NIN: variants seen among roughly 807,000 people sequenced by gnomAD.
NIN encodes the protein ninein.
In NIN, 137 loss-of-function variants were observed where a neutral mutation model predicts 257.6. The ratio of observed to expected loss-of-function variants is 0.53; its 90% CI spans 0.46 to 0.61. NIN has a LOEUF of 0.61. Ranked by LOEUF, NIN falls within the 20% of genes least tolerant of loss-of-function variation. The pLI is 0.00. For missense variants in NIN, 2,439 were observed against 2,501.2 expected (o/e 0.98, Z 0.53); for synonymous variants, 918 against 919.8 (o/e 1.00, Z 0.04).
At chr14:50,744,450 AGCT>A (rs2041444801) in intron 22 of NIN, 85 bp from the exon 23 acceptor site, 1 of 1,407,144 alleles carries the variant, frequency 7.1e-7, no homozygotes, top group Admixed American at 2.0e-5. Context: ...GCATTTTCAC[AGCT>A]GCTGCTATTT....
chr14:50,765,055 T>C (rs2042419380), intron 14 of NIN, among the ~76,000 whole-genome samples: 1 of 130,480 alleles, frequency 7.7e-6, no homozygotes, highest in African/African-American at 3.0e-5. Flanking sequence ...TGAAACCCTG[T>C]CTCTACTTAA....
At chr14:50,741,827 G>A (rs2140501139) in intron 24 of NIN, 99 bp from the exon 25 acceptor site, 3 of 1,363,162 alleles carry the variant, frequency 2.2e-6, no homozygotes, top group South Asian at 2.9e-5. Flanking sequence ...TTTCAAGTCT[G>A]TTTGTTTCTC....
chr14:50,737,041 C>T (rs1337595198), intron 27 of NIN, among the ~76,000 whole-genome samples: 9 of 152,268 alleles, frequency 5.9e-5, no homozygotes, highest in African/African-American at 1.7e-4. Context: ...GCCCCACCTC[C>T]GGGTATTCAC....
In NIN at chr14:50,721,596, C is replaced by G. The variant is rs891302170; in HGVS notation, c.*1867G>C. The G allele has an allele frequency of 4.6e-6, 1 of 217,430 alleles. No homozygotes were observed. Among genetic ancestry groups the G allele is most frequent in the Non-Finnish European group, 9.3e-6 (1 of 107,814 alleles). The allele number at this position is 217,430 out of a possible 1,614,324, so 13.5% of individuals were successfully genotyped here. ...TGAAAGCTAATGCCATACAAGTAGT[C>G]AAACACTTACTAGAAATGTCTGCAC... On this transcript the variant is annotated 3_prime_UTR_variant, in exon 31 of 31. Transcript: ENST00000530997.
At chr14:50,822,190 G>A (rs891255621) in intron 2 of NIN, 113 bp from the exon 3 acceptor site, 8 of 749,684 alleles carry the variant, frequency 1.1e-5, no homozygotes, top group African/African-American at 3.5e-5. Context: ...GGGAATGCTC[G>A]GGAACACCCA....
rs141902699 is a variant in NIN at position 50,790,048 on chromosome 14, G to A, written c.435+2664C>T. Among the ~76,000 whole-genome samples, 246 of 152,136 alleles carry A rather than the reference G, an allele frequency of 1.6e-3. 2 individuals are homozygous for A. Among genetic ancestry groups the A allele is most frequent in the Middle Eastern group, 0.01 (3 of 294 alleles). ...CCAACAGGAACATCGAAAATGTCTT[G>A]TGTGAAGCTATTACTTTTTTTTTGG... On this transcript the variant is annotated intron_variant, in intron 5 of 30. Coordinates refer to ENST00000530997, the MANE Select transcript of NIN (RefSeq NM_020921.4).
chr14:50,749,728 T>G (rs1029961737), intron 21 of NIN, among the ~76,000 whole-genome samples: 3 of 152,198 alleles, frequency 2.0e-5, no homozygotes, highest in African/African-American at 4.8e-5. Context: ...CTCACTCTGT[T>G]GCCCAGGCTG....
intron 15 of NIN, among the ~76,000 whole-genome samples, chr14:50,762,812 A>G (rs2042323926): frequency 6.6e-6 from 1 of 152,208 alleles, no homozygotes; most frequent in African/African-American, 2.4e-5. Flanking sequence ...GTATATGTCT[A>G]GCAGCTGCAA....
rs750765360 is a variant in NIN at position 50,763,909 on chromosome 14, T to C, written c.1691A>G (p.Gln564Arg). 2 of 1,614,128 alleles carry C rather than the reference T, an allele frequency of 1.2e-6. No individual in the cohort carries two copies. The highest frequency in any genetic ancestry group is 8.5e-7 in the Non-Finnish European group (1 of 1,179,964). The change falls in exon 15 of 31, where the codon CAA becomes CGA. Residue 564 changes from glutamine (Q) to arginine (R), a missense_variant. Physicochemically the swap from Gln to Arg is conservative, Grantham distance 43. This residue lies in a region of NIN where 2,043 missense variants were observed against 2,050.2 expected (regional missense o/e 1.00). Transcript: ENST00000530997. ...CAACGGAAGCCTGAGCACTCTGCCT[T>C]GTGCACGATATTCTTCCAGCTCAGA... ...LQSELEEYRA[Q>R]GRVLRLPLKN...
At chr14:50,801,973 A>G (rs761829335) in intron 4 of NIN, among the ~76,000 whole-genome samples, 46 of 152,248 alleles carry the variant, frequency 3.0e-4, no homozygotes, top group Non-Finnish European at 6.0e-4. Context: ...AGATGCATCA[A>G]ATGAGGACAA....
intron 23 of NIN, among the ~76,000 whole-genome samples, 198 bp from the exon 24 acceptor site, chr14:50,743,727 A>C (rs933836055): frequency 2.0e-5 from 3 of 152,130 alleles, no homozygotes; most frequent in Non-Finnish European, 4.4e-5. Context: ...AATTTTGAGG[A>C]GTTGCTTCTT....
intron 2 of NIN, among the ~76,000 whole-genome samples, chr14:50,822,676 G>A (rs2045281777): frequency 6.6e-6 from 1 of 152,120 alleles, no homozygotes; most frequent in Admixed American, 6.5e-5. Context: ...GGCACTAAAT[G>A]AACACGACGT....
At chr14:50,807,406 T>C (rs1235127219) in intron 3 of NIN, among the ~76,000 whole-genome samples, 3 of 152,226 alleles carry the variant, frequency 2.0e-5, no homozygotes, top group Non-Finnish European at 4.4e-5. Context: ...TCTTAAAAAA[T>C]AGAGTTATCT....
At chr14:50,775,457 G>A (rs1196533581) in intron 7 of NIN, among the ~76,000 whole-genome samples, 2 of 152,130 alleles carry the variant, frequency 1.3e-5, no homozygotes, top group East Asian at 1.9e-4. Context: ...CTAAAATGGC[G>A]TTCAGTTGTA....
chr14:50,824,177 TA>T (rs1229136859), intron 2 of NIN, among the ~76,000 whole-genome samples: 1 of 152,310 alleles, frequency 6.6e-6, no homozygotes, highest in East Asian at 1.9e-4. Flanking sequence ...CTTCCCTTTT[TA>T]AAAATTATTT....
chr14:50,727,299 C>T (rs1431029989), intron 29 of NIN: 1 of 980,978 alleles, frequency 1.0e-6, no homozygotes, highest in East Asian at 6.9e-5. Context: ...ACATCTTATA[C>T]AAAACAGTAT....
intron 15 of NIN, among the ~76,000 whole-genome samples, chr14:50,763,196 A>C (rs992351199): frequency 5.3e-5 from 8 of 152,258 alleles, no homozygotes; most frequent in African/African-American, 9.6e-5. Context: ...GCTGTCTCTG[A>C]AATTTAAACT....
intron 26 of NIN, 112 bp downstream of exon 26, chr14:50,739,196 C>T: frequency 1.2e-6 from 1 of 868,844 alleles, no homozygotes; most frequent in Non-Finnish European, 1.8e-6. Flanking sequence ...TCTGCTATAG[C>T]AGGATACTCA....
At chr14:50,725,924 G>T (rs1281471817) in intron 30 of NIN, 29 bp downstream of exon 30, 1 of 1,613,952 alleles carries the variant, frequency 6.2e-7, no homozygotes, top group Admixed American at 1.7e-5. Flanking sequence ...ATGTGAGGTG[G>T]GTGAACAGAG....
Sources: allele counts gnomAD v4.1 joint callset (sites outside exome capture counted in the v4.1 genomes callset), GRCh38; gene constraint gnomAD v4.1.1; regional missense constraint gnomAD v4.1.1; transcripts MANE v1.5; gene names NCBI Gene and HGNC (gene_info 2026-07-23, HGNC 2026-07-21).